EXT1: variants seen among roughly 807,000 people sequenced by gnomAD.
EXT1 encodes exostosin glycosyltransferase 1, also known as exostosin-1.
EXT1 carries 20 observed loss-of-function variants against 82.5 expected under a neutral mutation model. The ratio of observed to expected loss-of-function variants is 0.24; its 90% CI spans 0.17 to 0.35. EXT1 has a LOEUF of 0.35. EXT1 is among the 10% of genes least tolerant of loss of function. The pLI is 1.00. For synonymous variants in EXT1, 348 were observed against 350.8 expected (o/e 0.99, Z 0.09); for missense variants, 757 against 936.5 (o/e 0.81, Z 2.50).
intron 1 of EXT1, among the ~76,000 whole-genome samples, chr8:117,936,933 G>T (rs765774370): frequency 1.4e-4 from 21 of 152,080 alleles, no homozygotes; most frequent in Non-Finnish European, 2.5e-4. Context: ...TGTTGAGTTG[G>T]AATGTCTTCT....
chr8:118,007,580 A>G (rs1206400279), intron 1 of EXT1, among the ~76,000 whole-genome samples: 1 of 152,210 alleles, frequency 6.6e-6, no homozygotes, highest in Non-Finnish European at 1.5e-5. Flanking sequence ...TAGGTAACAA[A>G]CCTGCGTGTT....
intron 1 of EXT1, among the ~76,000 whole-genome samples, chr8:118,020,111 C>T (rs1023361011): frequency 6.6e-6 from 1 of 152,106 alleles, no homozygotes; most frequent in African/African-American, 2.4e-5. Flanking sequence ...AATAAGAGAA[C>T]CTAAAATTTG....
rs2129900054 is a variant in EXT1 at position 117,873,565 on chromosome 8, T to C, written c.963-36364A>G. Among the ~76,000 whole-genome samples the C allele has an allele frequency of 1.3e-5, 2 of 151,704 alleles. 1 individual carries two copies. The highest frequency in any genetic ancestry group is 4.2e-4 in the South Asian group (2 of 4,748). On this transcript the variant is annotated intron_variant, in intron 1 of 10. Coordinates refer to ENST00000378204, the MANE Select transcript of EXT1 (RefSeq NM_000127.3). ...CTGCCTCCCGGGTTCAAGTGATTCT[T>C]GTGCCTCAGCCTCCCGAATAGCTAG...
chr8:117,841,338 T>C (rs897055490), intron 1 of EXT1, among the ~76,000 whole-genome samples: 4 of 152,146 alleles, frequency 2.6e-5, no homozygotes, highest in Admixed American at 6.6e-5. Context: ...CCTTTCTATA[T>C]GACATTCATG....
chr8:117,892,071 C>T (rs1429144321), intron 1 of EXT1, among the ~76,000 whole-genome samples: 6 of 152,156 alleles, frequency 3.9e-5, no homozygotes, highest in African/African-American at 1.4e-4. Context: ...TCCCAAAGTG[C>T]TGGGATTACA....
At chr8:118,038,002 A>G (rs1816457885) in intron 1 of EXT1, among the ~76,000 whole-genome samples, 1 of 151,996 alleles carries the variant, frequency 6.6e-6, no homozygotes, top group African/African-American at 2.4e-5. Flanking sequence ...CACCATGCCC[A>G]GCTAATTTTT....
At chr8:117,893,814 T>TA (rs1813289624) in intron 1 of EXT1, among the ~76,000 whole-genome samples, 1 of 152,216 alleles carries the variant, frequency 6.6e-6, no homozygotes, top group South Asian at 2.1e-4. Flanking sequence ...GTCTCGATCT[T>TA]ACAAGTCCAT....
chr8:117,827,080 T>C (rs1281397827), intron 4 of EXT1, among the ~76,000 whole-genome samples: 2 of 152,218 alleles, frequency 1.3e-5, no homozygotes, highest in African/African-American at 4.8e-5. Context: ...ATTATGGATC[T>C]GTAAGACTGA....
At chr8:117,925,593 G>A (rs1484502226) in intron 1 of EXT1, among the ~76,000 whole-genome samples, 2 of 151,530 alleles carry the variant, frequency 1.3e-5, no homozygotes, top group African/African-American at 4.9e-5. Flanking sequence ...AATTGGCCAG[G>A]TGTGGTGGCT....
chr8:117,935,406 G>A (rs572191185), intron 1 of EXT1, among the ~76,000 whole-genome samples: 12 of 148,566 alleles, frequency 8.1e-5, no homozygotes, highest in African/African-American at 2.5e-4. Flanking sequence ...CTGCAGCCTC[G>A]ACCTCCCAGG....
chr8:117,907,380 G>A (rs1035548250), intron 1 of EXT1, among the ~76,000 whole-genome samples: 2 of 152,212 alleles, frequency 1.3e-5, no homozygotes, highest in South Asian at 2.1e-4. Context: ...CAAAGGGTTG[G>A]AGAGAACAAT....
intron 1 of EXT1, among the ~76,000 whole-genome samples, chr8:118,031,029 A>C (rs1476090612): frequency 6.6e-6 from 1 of 152,152 alleles, no homozygotes; most frequent in African/African-American, 2.4e-5. Context: ...ATGAGTATCA[A>C]TGATGAAGCA....
At chr8:117,898,956 G>A (rs958354090) in intron 1 of EXT1, among the ~76,000 whole-genome samples, 1 of 152,068 alleles carries the variant, frequency 6.6e-6, no homozygotes, top group African/African-American at 2.4e-5. Context: ...ACCCCCAAAT[G>A]CTTCCTTTTT....
intron 1 of EXT1, among the ~76,000 whole-genome samples, chr8:118,022,892 T>G (rs546791106): frequency 4.6e-4 from 70 of 152,290 alleles, no homozygotes; most frequent in African/African-American, 1.6e-3. Flanking sequence ...CCTGGAACAT[T>G]CACAGTATAA....
chr8:117,858,844 G>GGAAGGAAGGAAGGAAAGAAA (rs1812627618), intron 1 of EXT1, among the ~76,000 whole-genome samples: 1 of 85,340 alleles, frequency 1.2e-5, no homozygotes, highest in African/African-American at 5.3e-5. Context: ...AAGGAAGGAA[G>GGAAGGAAGGAAGGAAAGAAA]GAAAGAAAGA....
intron 1 of EXT1, among the ~76,000 whole-genome samples, chr8:117,845,249 G>A (rs1247471705): frequency 1.3e-5 from 2 of 152,196 alleles, no homozygotes; most frequent in African/African-American, 2.4e-5. Flanking sequence ...CACTGGGGAC[G>A]TGGGGAAAGA....
intron 1 of EXT1, among the ~76,000 whole-genome samples, chr8:117,979,717 C>T (rs1206864204): frequency 6.6e-6 from 1 of 152,136 alleles, no homozygotes; most frequent in Admixed American, 6.5e-5. Flanking sequence ...ATTTTGGCCC[C>T]TAATCTCTAC....
rs552453850 is a variant in EXT1, at chr8:117,957,119, G to C, written c.963-119918C>G. Among the ~76,000 whole-genome samples the C allele has an allele frequency of 4.1e-3, 621 of 152,280 alleles. 3 individuals carry two copies. Among genetic ancestry groups the C allele is most frequent in the African/African-American group, 0.013 (534 of 41,540 alleles). ...TGTCTTGGCGACAGCACTGTGTTAA[G>C]AGTCACCAAGAGTTACACACACAAC... On this transcript the variant is annotated intron_variant, in intron 1 of 10. Transcript: ENST00000378204.
chr8:117,830,398 A>G, intron 3 of EXT1, 49 bp from the exon 4 acceptor site: 2 of 1,605,154 alleles, frequency 1.2e-6, no homozygotes, highest in Non-Finnish European at 1.7e-6. Context: ...AAACAAAGAG[A>G]TGCACTTGAT....
Sources: allele counts gnomAD v4.1 joint callset (sites outside exome capture counted in the v4.1 genomes callset), GRCh38; gene constraint gnomAD v4.1.1; transcripts MANE v1.5; gene names NCBI Gene and HGNC (gene_info 2026-07-23, HGNC 2026-07-21).